Variants in PTPRA observed in about 807,000 individuals in gnomAD.
The protein encoded by PTPRA is protein tyrosine phosphatase receptor type A.
A neutral mutation model predicts 104.8 loss-of-function variants in PTPRA; 25 were observed. That is an observed-to-expected ratio of 0.24 (90% CI 0.17 to 0.33). The LOEUF is 0.33. Among genes scored for constraint, PTPRA ranks in the 10% least tolerant of loss-of-function variants. The pLI, the probability that PTPRA is intolerant of heterozygous loss-of-function variation, is 1.00. For synonymous variants in PTPRA, 323 were observed against 368.9 expected (o/e 0.88, Z 1.43); for missense variants, 765 against 1,015.3 (o/e 0.75, Z 3.35).
intron 1 of PTPRA, among the ~76,000 whole-genome samples, chr20:2,903,921 T>C (rs2059323021): frequency 6.6e-6 from 1 of 152,060 alleles, no homozygotes; most frequent in African/African-American, 2.4e-5. Context: ...ACTTTTTTTT[T>C]TTTGAGACTG....
chr20:2,994,817 C>T (rs966524035), intron 9 of PTPRA, among the ~76,000 whole-genome samples: 2 of 152,176 alleles, frequency 1.3e-5, no homozygotes, highest in Admixed American at 6.5e-5. Flanking sequence ...TTCTTTTGAC[C>T]ATACCATAAT....
rs141370407 is a variant in PTPRA, at chr20:3,032,628, C to T, written c.1921-2957C>T. Among the ~76,000 whole-genome samples the T allele has an allele frequency of 4.9e-3, 748 of 151,594 alleles. 7 individuals carry two copies. The highest frequency in any genetic ancestry group is 8.2e-3 in the Non-Finnish European group (558 of 67,836). On this transcript the variant is annotated intron_variant, in intron 20 of 23. Transcript: ENST00000399903. ...TAAAAATACAAAAATTAGCTGGGCGCGATGGTGCATGCCTGTGATCCCAGC... is the reference window on the plus strand; with the variant it reads ...TAAAAATACAAAAATTAGCTGGGCGTGATGGTGCATGCCTGTGATCCCAGC...
intron 1 of PTPRA, among the ~76,000 whole-genome samples, chr20:2,919,481 T>C (rs1053899397): frequency 1.3e-5 from 2 of 152,210 alleles, no homozygotes; most frequent in African/African-American, 4.8e-5. Flanking sequence ...TTGCCTACAG[T>C]GTACTGGACA....
intron 1 of PTPRA, among the ~76,000 whole-genome samples, chr20:2,906,476 G>C (rs1445123865): frequency 6.6e-6 from 1 of 152,146 alleles, no homozygotes; most frequent in Non-Finnish European, 1.5e-5. Context: ...GTAGAATCAA[G>C]GGTAATACGT....
In PTPRA at chr20:2,884,265, G is replaced by A. The variant is rs541337627; in HGVS notation, c.-129+10505G>A. Among the ~76,000 whole-genome samples, 8 of 152,206 alleles carry A rather than the reference G, an allele frequency of 5.3e-5. No individual in the cohort carries two copies. The South Asian group carries it at 1.0e-3, about 20-fold the overall frequency. On this transcript the variant is annotated intron_variant, in intron 1 of 23. Coordinates refer to ENST00000399903, the MANE Select transcript of PTPRA (RefSeq NM_001385305.1). The stretch of plus-strand genomic sequence containing the variant: ...CTCTTGGGTATATATATATACCTAG[G>A]AGTAGGATTGCTGGGTTAAACGGTG...
At chr20:2,875,332 G>A (rs1000704898) in intron 1 of PTPRA, among the ~76,000 whole-genome samples, 17 of 152,150 alleles carry the variant, frequency 1.1e-4, no homozygotes, top group Admixed American at 7.9e-4. Context: ...AAGACTAAAA[G>A]CCCTTCAGTC....
intron 5 of PTPRA, among the ~76,000 whole-genome samples, chr20:2,969,167 C>G (rs2062057620): frequency 6.6e-6 from 1 of 151,514 alleles, no homozygotes; most frequent in Non-Finnish European, 1.5e-5. Context: ...AGTCAAGTCC[C>G]TGCACTATAG....
intron 13 of PTPRA, among the ~76,000 whole-genome samples, chr20:3,019,598 C>T (rs1374995678): frequency 2.7e-5 from 4 of 149,226 alleles, no homozygotes; most frequent in Non-Finnish European, 5.9e-5. Flanking sequence ...GACTGGGCAG[C>T]CAGGCAGAGG....
At chr20:2,898,052 G>A (rs1042861185) in intron 1 of PTPRA, among the ~76,000 whole-genome samples, 12 of 150,856 alleles carry the variant, frequency 8.0e-5, no homozygotes, top group Non-Finnish European at 1.6e-4. Context: ...AGCTGGGATT[G>A]TAGGCACCTG....
chr20:2,974,522 G>T (rs2062341805), intron 5 of PTPRA, among the ~76,000 whole-genome samples: 4 of 151,794 alleles, frequency 2.6e-5, no homozygotes, highest in Admixed American at 2.6e-4. Context: ...CCCCTCCTGG[G>T]TTCAAGTGAT....
intron 9 of PTPRA, among the ~76,000 whole-genome samples, chr20:3,004,115 T>G (rs922715397): frequency 6.6e-6 from 1 of 152,204 alleles, no homozygotes; most frequent in African/African-American, 2.4e-5. Flanking sequence ...CCTCCCAGGT[T>G]CAAGCGATTC....
At position 2,995,734 on chromosome 20, in the gene PTPRA, T is replaced by C. The variant is rs1386075180; in HGVS notation, c.738+7260T>C. Among the ~76,000 whole-genome samples the C allele has an allele frequency of 1.4e-4, 21 of 152,298 alleles. No homozygotes were observed. In the East Asian group the frequency reaches 3.9e-3, roughly 28 times the overall value. On this transcript the variant is annotated intron_variant, in intron 9 of 23. Transcript: ENST00000399903. The stretch of plus-strand genomic sequence containing the variant: ...AACATTTCACTTAGCAAAATACATA[T>C]ATAGTAATGTAAAGGCCCTGAGTCT...
At chr20:2,885,212 G>GT (rs1237832071) in intron 1 of PTPRA, among the ~76,000 whole-genome samples, 2 of 151,800 alleles carry the variant, frequency 1.3e-5, no homozygotes, top group Non-Finnish European at 2.9e-5. Flanking sequence ...AACACTTGTT[G>GT]TTTTTTTTAA....
intron 6 of PTPRA, among the ~76,000 whole-genome samples, chr20:2,985,369 A>G (rs1348139580): frequency 6.6e-6 from 1 of 152,206 alleles, no homozygotes; most frequent in Non-Finnish European, 1.5e-5. Context: ...GGGAGGGTAA[A>G]TGAGGTCAAG....
At chr20:2,877,447 C>T (rs746780883) in intron 1 of PTPRA, among the ~76,000 whole-genome samples, 4 of 152,054 alleles carry the variant, frequency 2.6e-5, no homozygotes, top group Non-Finnish European at 2.9e-5. Flanking sequence ...TTAGTAAAGA[C>T]GGGGTTTCTC....
intron 9 of PTPRA, among the ~76,000 whole-genome samples, chr20:3,004,800 G>A (rs1182991788): frequency 6.6e-6 from 1 of 152,230 alleles, no homozygotes; most frequent in African/African-American, 2.4e-5. Flanking sequence ...ATCATGGAAA[G>A]AGCATGCTAT....
intron 12 of PTPRA, among the ~76,000 whole-genome samples, 173 bp from the exon 13 acceptor site, chr20:3,017,643 T>C (rs1410549464): frequency 6.6e-6 from 1 of 152,164 alleles, no homozygotes; most frequent in African/African-American, 2.4e-5. Flanking sequence ...ACATACATGG[T>C]AGAAACATGG....
Position 3,037,772 on chromosome 20 carries a change from G to C in PTPRA, c.2335-287G>C, listed in dbSNP as rs1446054351. ...CTAGCCTGGCAGCCATGGTAAGCGT[G>C]GGCCATGCTCAGCTGCACTGTCTCC... is the stretch of plus-strand genomic sequence containing the variant. On this transcript the variant is annotated intron_variant, in intron 23 of 23. Coordinates refer to ENST00000399903, the MANE Select transcript of PTPRA (RefSeq NM_001385305.1). This position sits in a 1 kb window ranked among gnomAD's most constrained non-coding sequence, Gnocchi z 4.3. Among the ~76,000 whole-genome samples, 2 of 152,188 alleles carry C rather than the reference G, an allele frequency of 1.3e-5. No individual in the cohort carries two copies. Among genetic ancestry groups the C allele is most frequent in the East Asian group, 3.8e-4 (2 of 5,198 alleles).
At chr20:2,940,239 T>A (rs2060859202) in intron 2 of PTPRA, among the ~76,000 whole-genome samples, 1 of 152,246 alleles carries the variant, frequency 6.6e-6, no homozygotes, top group Non-Finnish European at 1.5e-5. Context: ...TAGTTTTTTT[T>A]AACCTATGTA....
Sources: allele counts gnomAD v4.1 joint callset (sites outside exome capture counted in the v4.1 genomes callset), GRCh38; gene constraint gnomAD v4.1.1; non-coding constraint Gnocchi (gnomAD v3.1); transcripts MANE v1.5; gene names NCBI Gene and HGNC (gene_info 2026-07-23, HGNC 2026-07-21).